The following EPHA6 variants were observed in gnomAD, a reference collection of about 807,000 sequenced individuals.
EPHA6 encodes EPH receptor A6.
In EPHA6, 50 loss-of-function variants were observed where a neutral mutation model predicts 112.0. The observed-to-expected ratio is 0.45, with a 90% CI of 0.36 to 0.56. The LOEUF is 0.56. EPHA6 is among the 20% of genes least tolerant of loss of function. The pLI, the probability that EPHA6 is intolerant of heterozygous loss-of-function variation, is 0.00. For synonymous variants in EPHA6, 529 were observed against 490.7 expected (o/e 1.08, Z -1.03); for missense variants, 1,280 against 1,417.4 (o/e 0.90, Z 1.56).
chr3:97,150,483 T>A (rs1277197564), intron 3 of EPHA6, among the ~76,000 whole-genome samples: 3 of 152,100 alleles, frequency 2.0e-5, no homozygotes, highest in East Asian at 1.9e-4. Context: ...AGCTTTGACC[T>A]GTTACAAAAG....
chr3:97,574,497 G>GA (rs967606341), intron 11 of EPHA6, among the ~76,000 whole-genome samples: 3 of 152,116 alleles, frequency 2.0e-5, no homozygotes, highest in Admixed American at 6.6e-5. Flanking sequence ...AAGGCTTATA[G>GA]ACCTATTAGC....
rs1264087501 is a variant in EPHA6 at position 96,987,272 on chromosome 3, A to G, written c.451-58A>G. The G allele has an allele frequency of 3.5e-6, 5 of 1,433,498 alleles. No homozygotes were observed. In the African/African-American group the frequency reaches 5.7e-5, roughly 16 times the overall value. The allele number at this position is 1,433,498 out of a possible 1,614,324, so 88.8% of individuals were successfully genotyped here. ...AAAACAAAAAAAATTGTAAGTAATC[A>G]TTTCTGTTTAATCACTGTGGTTTAA... On this transcript the variant is annotated intron_variant, in intron 2 of 17. Coordinates refer to ENST00000389672, the MANE Select transcript of EPHA6 (RefSeq NM_001080448.3).
chr3:97,322,102 T>G (rs1438050477), intron 5 of EPHA6, among the ~76,000 whole-genome samples: 1 of 152,078 alleles, frequency 6.6e-6, no homozygotes, highest in African/African-American at 2.4e-5. Flanking sequence ...TGGTTTTCCT[T>G]TCTAAAGAAA....
At chr3:97,602,913 CTGT>C (rs147700326) in intron 12 of EPHA6, among the ~76,000 whole-genome samples, 7,439 of 151,992 alleles carry the variant, frequency 0.049, 243 homozygotes, top group Middle Eastern at 0.075. Flanking sequence ...AAATTCCTTG[CTGT>C]GTTTTTTTAT....
chr3:97,480,802 G>C (rs1387862401), intron 9 of EPHA6, among the ~76,000 whole-genome samples: 1 of 152,004 alleles, frequency 6.6e-6, no homozygotes, highest in African/African-American at 2.4e-5. Context: ...TCCCAGATGG[G>C]GCGGCTGCCG....
intron 3 of EPHA6, among the ~76,000 whole-genome samples, chr3:97,032,236 G>A (rs1271625611): frequency 1.3e-5 from 2 of 152,070 alleles, no homozygotes; most frequent in Non-Finnish European, 2.9e-5. Flanking sequence ...TCATAGGTGG[G>A]AATTGAACAA....
chr3:97,041,839 C>T (rs1291174486), intron 3 of EPHA6, among the ~76,000 whole-genome samples: 1 of 151,958 alleles, frequency 6.6e-6, no homozygotes, highest in Admixed American at 6.6e-5. Flanking sequence ...CCTGAGAACT[C>T]ACTCACTATC....
intron 4 of EPHA6, among the ~76,000 whole-genome samples, chr3:97,232,088 C>T (rs1205676786): frequency 6.6e-6 from 1 of 152,134 alleles, no homozygotes; most frequent in African/African-American, 2.4e-5. Flanking sequence ...TCAAAGAACT[C>T]CACATGCCAA....
intron 3 of EPHA6, among the ~76,000 whole-genome samples, chr3:97,206,754 T>A (rs1295466303): frequency 6.6e-6 from 1 of 152,116 alleles, no homozygotes; most frequent in Non-Finnish European, 1.5e-5. Flanking sequence ...TTATTCAACC[T>A]ATACCCCCCT....
chr3:97,701,266 G>A (rs1292544591), intron 14 of EPHA6, among the ~76,000 whole-genome samples: 1 of 152,082 alleles, frequency 6.6e-6, no homozygotes, highest in African/African-American at 2.4e-5. Flanking sequence ...ATACCCACAT[G>A]GTGATTCAGT....
intron 6 of EPHA6, among the ~76,000 whole-genome samples, chr3:97,443,359 CA>C (rs5851066): frequency 0.22 from 14,997 of 68,190 alleles, 520 homozygotes; most frequent in Middle Eastern, 0.38. Context: ...TAAGACATCG[CA>C]AAAAAAAAAA....
At chr3:97,624,147 G>A (rs751193638) in intron 13 of EPHA6, among the ~76,000 whole-genome samples, 1 of 151,700 alleles carries the variant, frequency 6.6e-6, no homozygotes, top group East Asian at 1.9e-4. Context: ...TATAACGGTC[G>A]AGTATGATGT....
intron 2 of EPHA6, among the ~76,000 whole-genome samples, chr3:96,950,456 T>A (rs975738857): frequency 6.6e-5 from 10 of 151,988 alleles, no homozygotes; most frequent in African/African-American, 2.4e-4. Context: ...CTCTCTCTCA[T>A]GAGGTTGCAG....
intron 3 of EPHA6, among the ~76,000 whole-genome samples, chr3:97,173,228 A>G (rs1447931551): frequency 1.3e-5 from 2 of 151,942 alleles, no homozygotes; most frequent in Non-Finnish European, 2.9e-5. Flanking sequence ...TTAAATGTCA[A>G]GTGGCATGCT....
At chr3:96,829,613 A>G (rs1295457986) in intron 1 of EPHA6, among the ~76,000 whole-genome samples, 1 of 152,078 alleles carries the variant, frequency 6.6e-6, no homozygotes, top group Admixed American at 6.6e-5. Context: ...GGTATTCAAC[A>G]ATTAGTGCTT....
intron 9 of EPHA6, chr3:97,481,248 G>C: frequency 7.0e-7 from 1 of 1,430,326 alleles, no homozygotes; most frequent in Non-Finnish European, 9.8e-7. Flanking sequence ...TTTAGATCAC[G>C]TACATAACCA....
intron 5 of EPHA6, among the ~76,000 whole-genome samples, chr3:97,351,782 T>C (rs569288286): frequency 6.6e-6 from 1 of 152,254 alleles, no homozygotes; most frequent in Admixed American, 6.5e-5. Flanking sequence ...ACGTTTTCTT[T>C]TGGTTCATAA....
chr3:96,883,934 A>G (rs1296306042), intron 2 of EPHA6, among the ~76,000 whole-genome samples: 1 of 152,052 alleles, frequency 6.6e-6, no homozygotes, highest in African/African-American at 2.4e-5. Flanking sequence ...GTCCTCCCCA[A>G]AGTGCTAGGA....
chr3:96,848,114 C>A (rs1037566280), intron 1 of EPHA6, among the ~76,000 whole-genome samples: 1 of 151,930 alleles, frequency 6.6e-6, no homozygotes, highest in African/African-American at 2.4e-5. Flanking sequence ...ACATATATTT[C>A]ATTAAATGTA....
Sources: allele counts gnomAD v4.1 joint callset (sites outside exome capture counted in the v4.1 genomes callset), GRCh38; gene constraint gnomAD v4.1.1; transcripts MANE v1.5; gene names NCBI Gene and HGNC (gene_info 2026-07-23, HGNC 2026-07-21).